The following TAMM41 variants were observed in gnomAD, a reference collection of about 807,000 sequenced individuals.
TAMM41 encodes the protein TAM41 mitochondrial translocator assembly and maintenance homolog.
Under a neutral mutation model 44.1 loss-of-function variants are expected in TAMM41, and 36 were observed. The observed-to-expected ratio is 0.82, with a 90% confidence interval of 0.63 to 1.08. TAMM41 has a LOEUF of 1.08. Ranked by LOEUF, TAMM41 falls within the 50% of genes least tolerant of loss-of-function variation. TAMM41 has a pLI of 0.00. For synonymous variants in TAMM41, 164 were observed against 153.1 expected (o/e 1.07, Z -0.53); for missense variants, 417 against 404.3 (o/e 1.03, Z -0.27).
rs2077848473 is a variant in TAMM41, at chr3:11,804,666, G to C, written c.937+3167C>G. ...CAATCATGCAAAATTCAGATTAACAGCATGAATCACCCAAACAAACAAAAG... is the reference window on the plus strand; with the variant it reads ...CAATCATGCAAAATTCAGATTAACACCATGAATCACCCAAACAAACAAAAG... On this transcript the variant is annotated intron_variant, in intron 7 of 7. Coordinates refer to ENST00000455809, the MANE Select transcript of TAMM41 (RefSeq NM_001284401.2). 3.9e-5 allele frequency among the ~76,000 whole-genome samples: 6 copies of C among 152,068 alleles called. No individual in the cohort carries two copies. The South Asian group carries it at 1.2e-3, about 32-fold the overall frequency.
chr3:11,803,298 C>T (rs545322314), intron 7 of TAMM41, among the ~76,000 whole-genome samples: 10 of 152,176 alleles, frequency 6.6e-5, no homozygotes, highest in Admixed American at 5.9e-4. Context: ...GGGGGAGAAT[C>T]GCTTGAAACC....
chr3:11,774,018 G>T, the TAMM41 span, among the ~76,000 whole-genome samples: 2 of 152,210 alleles, frequency 1.3e-5, no homozygotes, highest in East Asian at 1.9e-4. Context: ...GAACCAGGAA[G>T]GAGAGGTTGC....
At chr3:11,795,763 C>T (rs972928653) in intron 7 of TAMM41, among the ~76,000 whole-genome samples, 2 of 152,188 alleles carry the variant, frequency 1.3e-5, no homozygotes, top group African/African-American at 4.8e-5. Context: ...TCTCTCCACT[C>T]GCGTTAGAAA....
chr3:11,770,910 G>T, the TAMM41 span, among the ~76,000 whole-genome samples: 1 of 152,238 alleles, frequency 6.6e-6, no homozygotes, highest in Admixed American at 6.5e-5. Context: ...GGGCTGGAGG[G>T]CCAGGCCAGG....
chr3:11,832,087 C>A (rs2079004519), intron 3 of TAMM41, among the ~76,000 whole-genome samples: 1 of 152,166 alleles, frequency 6.6e-6, no homozygotes, highest in Admixed American at 6.5e-5. Flanking sequence ...CTGAATTATT[C>A]TCATGCATTC....
At chr3:11,810,573 T>C (rs1249084119) in intron 5 of TAMM41, among the ~76,000 whole-genome samples, 1 of 152,190 alleles carries the variant, frequency 6.6e-6, no homozygotes, top group Non-Finnish European at 1.5e-5. Context: ...GCCCATCACA[T>C]TATTTCCCAA....
chr3:11,755,705 G>A, the TAMM41 span, among the ~76,000 whole-genome samples: 1 of 152,138 alleles, frequency 6.6e-6, no homozygotes, highest in Non-Finnish European at 1.5e-5. Flanking sequence ...CTCCCTCCAA[G>A]CTCACAGTGC....
At chr3:11,723,064 AG>A in the TAMM41 span, among the ~76,000 whole-genome samples, 4 of 152,042 alleles carry the variant, frequency 2.6e-5, no homozygotes, top group Non-Finnish European at 5.9e-5. Flanking sequence ...CAGAGGTTGC[AG>A]TGAGTTGAGA....
intron 7 of TAMM41, among the ~76,000 whole-genome samples, chr3:11,806,276 G>A (rs190624343): frequency 1.3e-5 from 2 of 152,330 alleles, no homozygotes; most frequent in East Asian, 3.9e-4. Context: ...AAGAAAGCCT[G>A]AACTAGAAAA....
chr3:11,790,492 A>G lies in TAMM41; in HGVS notation c.*13T>C. On this transcript the variant is annotated 3_prime_UTR_variant, in exon 8 of 8. Transcript: ENST00000455809. ...TATTCATCTACACATAACATATATA[A>G]AAGCAAGCAAAATCAGGATGTTTTC... 1 of 1,612,502 alleles carries G rather than the reference A, an allele frequency of 6.2e-7. No individual in the cohort carries two copies. The highest frequency in any genetic ancestry group is 8.5e-7 in the Non-Finnish European group (1 of 1,178,656).
intron 4 of TAMM41, among the ~76,000 whole-genome samples, chr3:11,822,246 C>A (rs2078553603): frequency 6.6e-6 from 1 of 152,192 alleles, no homozygotes; most frequent in African/African-American, 2.4e-5. Context: ...TTAAGGACTG[C>A]AGCCCAAACT....
At position 11,790,535 on chromosome 3, in the gene TAMM41, C is replaced by T. The variant is rs1477611588; in HGVS notation, c.984G>A (p.Met328Ile). ...VIYSSLKLHK[M>I]WKGWLRKTS Reference sequence around the variant, plus strand: ...ATGTTTTCCTCAGCCACCCTTTCCACATTTTGTGCAGTTTTAGTGAACTAT... The same window carrying T: ...ATGTTTTCCTCAGCCACCCTTTCCATATTTTGTGCAGTTTTAGTGAACTAT... The change falls in exon 8 of 8, where the codon ATG becomes ATA. Residue 328 changes from methionine (M) to isoleucine (I), a missense_variant. Physicochemically the swap from Met to Ile is conservative, Grantham distance 10. Coordinates refer to ENST00000455809, the MANE Select transcript of TAMM41 (RefSeq NM_001284401.2). The T allele has an allele frequency of 6.2e-7, 1 of 1,614,128 alleles. No individual in the cohort carries two copies. Among genetic ancestry groups the T allele is most frequent in the East Asian group, 2.2e-5 (1 of 44,890 alleles).
At chr3:11,809,278 T>G (rs1295149510) in intron 6 of TAMM41, 1 of 511,308 alleles carries the variant, frequency 2.0e-6, no homozygotes. Flanking sequence ...ACATTGTTTC[T>G]CCCTTTGACA....
At chr3:11,742,272 A>G in the TAMM41 span, among the ~76,000 whole-genome samples, 1 of 150,038 alleles carries the variant, frequency 6.7e-6, no homozygotes, top group East Asian at 1.9e-4. Context: ...ACCCCTGACG[A>G]CCACCAATCT....
the TAMM41 span, among the ~76,000 whole-genome samples, chr3:11,751,578 G>A: frequency 6.6e-6 from 1 of 152,162 alleles, no homozygotes; most frequent in African/African-American, 2.4e-5. Context: ...ATCTCTCTGA[G>A]GACAACCAGG....
intron 5 of TAMM41, among the ~76,000 whole-genome samples, chr3:11,813,828 A>ATATGTG (rs1553573030): frequency 7.0e-6 from 1 of 143,076 alleles, no homozygotes; most frequent in Non-Finnish European, 1.5e-5. Flanking sequence ...GTACAAATAT[A>ATATGTG]TGTGTGTGTG....
At chr3:11,802,696 A>C (rs1252745214) in intron 7 of TAMM41, among the ~76,000 whole-genome samples, 1 of 152,252 alleles carries the variant, frequency 6.6e-6, no homozygotes, top group South Asian at 2.1e-4. Flanking sequence ...AACTCATTCT[A>C]TGAGGCCGCT....
At chr3:11,818,955 G>A (rs1268504062) in intron 4 of TAMM41, among the ~76,000 whole-genome samples, 1 of 151,998 alleles carries the variant, frequency 6.6e-6, no homozygotes. Flanking sequence ...GGTGTACAGG[G>A]GGTCTGACTG....
the TAMM41 span, among the ~76,000 whole-genome samples, chr3:11,761,185 T>A: frequency 1.3e-5 from 2 of 151,134 alleles, no homozygotes; most frequent in Non-Finnish European, 3.0e-5. Context: ...AAAAAAATCA[T>A]CTTCAGGTTG....
Sources: gnomAD v4.1 joint callset for allele counts (sites outside exome capture counted in the v4.1 genomes callset) on GRCh38, gnomAD v4.1.1 for gene constraint, MANE v1.5 for transcripts, NCBI Gene and HGNC (gene_info 2026-07-23, HGNC 2026-07-21) for gene names.